Variants in THSD4 observed in about 807,000 individuals in gnomAD.
The protein encoded by THSD4 is thrombospondin type-1 domain-containing protein 4.
In THSD4, 69 loss-of-function variants were observed where a neutral mutation model predicts 119.0. The observed-to-expected ratio is 0.58, with a 90% CI of 0.48 to 0.71. The LOEUF (loss-of-function observed/expected upper bound fraction) is 0.71, where lower values mean the gene tolerates loss of function less well. THSD4 is among the 30% of genes least tolerant of loss of function. The pLI is 0.00. For missense variants in THSD4, 1,393 were observed against 1,391.1 expected (o/e 1.00, Z -0.02); for synonymous variants, 524 against 540.4 (o/e 0.97, Z 0.42).
chr15:71,213,989 G>C (rs1204515653), intron 3 of THSD4, among the ~76,000 whole-genome samples: 1 of 152,152 alleles, frequency 6.6e-6, no homozygotes, highest in East Asian at 1.9e-4. Flanking sequence ...CCTAGGTCGA[G>C]TGGGGACTTG....
At chr15:71,375,032 A>G (rs986938784) in intron 6 of THSD4, among the ~76,000 whole-genome samples, 1 of 152,214 alleles carries the variant, frequency 6.6e-6, no homozygotes, top group East Asian at 1.9e-4. Flanking sequence ...GGGATTTCAG[A>G]CAAATCCACA....
At chr15:71,704,143 T>C (rs975420494) in intron 8 of THSD4, among the ~76,000 whole-genome samples, 11 of 152,224 alleles carry the variant, frequency 7.2e-5, no homozygotes, top group East Asian at 1.9e-4. Flanking sequence ...CCACTGCGCC[T>C]GGCCTGAAAA....
chr15:71,365,014 C>G lies in THSD4; in HGVS notation c.1016-46673C>G, dbSNP rs1302749726. The stretch of plus-strand genomic sequence containing the variant: ...CCTAAGAATTCTATTGTTTTGGCAC[C>G]TAAAACTGCATCTCCCTGAGTTTCT... On this transcript the variant is annotated intron_variant, in intron 6 of 17. Transcript: ENST00000261862. Among the ~76,000 whole-genome samples the G allele has an allele frequency of 1.3e-5, 2 of 152,202 alleles. 1 individual carries two copies. Among genetic ancestry groups the G allele is most frequent in the East Asian group, 3.9e-4 (2 of 5,168 alleles).
At chr15:71,497,022 C>A (rs2048027993) in intron 7 of THSD4, among the ~76,000 whole-genome samples, 1 of 152,164 alleles carries the variant, frequency 6.6e-6, no homozygotes, top group African/African-American at 2.4e-5. Flanking sequence ...ACCTCACCAT[C>A]CAAGAAATGG....
chr15:71,309,352 G>T (rs974051581), intron 6 of THSD4, among the ~76,000 whole-genome samples: 1 of 152,146 alleles, frequency 6.6e-6, no homozygotes, highest in Non-Finnish European at 1.5e-5. Context: ...AAATTAGGTT[G>T]CCTGTCTTTT....
chr15:71,436,131 A>C (rs1156508778), intron 7 of THSD4, among the ~76,000 whole-genome samples: 2 of 152,160 alleles, frequency 1.3e-5, no homozygotes, highest in Non-Finnish European at 2.9e-5. Context: ...CCCACAGCAC[A>C]GTTTGTCTTA....
intron 7 of THSD4, among the ~76,000 whole-genome samples, chr15:71,567,384 TG>T (rs2049261960): frequency 3.3e-5 from 5 of 152,008 alleles, no homozygotes; most frequent in Admixed American, 3.3e-4. Context: ...TACAGGGGTG[TG>T]ATCAAGCCAG....
intron 7 of THSD4, among the ~76,000 whole-genome samples, chr15:71,542,373 A>G (rs1465811421): frequency 6.6e-6 from 1 of 152,194 alleles, no homozygotes; most frequent in East Asian, 1.9e-4. Flanking sequence ...TTTCTAATGA[A>G]TAGGCTATGG....
intron 7 of THSD4, among the ~76,000 whole-genome samples, chr15:71,630,708 T>G (rs117300671): frequency 8.8e-4 from 134 of 152,020 alleles, no homozygotes; most frequent in African/African-American, 3.1e-3. Flanking sequence ...TCCAGGAGGG[T>G]CTCTCCCAGC....
At chr15:71,626,540 C>T (rs2050513953) in intron 7 of THSD4, among the ~76,000 whole-genome samples, 1 of 152,152 alleles carries the variant, frequency 6.6e-6, no homozygotes, top group African/African-American at 2.4e-5. Context: ...ATGCATTGAA[C>T]TTTAACAGAT....
intron 7 of THSD4, among the ~76,000 whole-genome samples, chr15:71,551,510 A>T (rs1292010181): frequency 6.6e-6 from 1 of 152,216 alleles, no homozygotes; most frequent in African/African-American, 2.4e-5. Flanking sequence ...AGATTCAATT[A>T]TCTGTCGTGA....
chr15:71,777,069 A>G (rs2053926120), intron 17 of THSD4, among the ~76,000 whole-genome samples, 163 bp from the exon 18 acceptor site: 1 of 152,240 alleles, frequency 6.6e-6, no homozygotes, highest in African/African-American at 2.4e-5. Flanking sequence ...CGTGTTTAAA[A>G]GAAAGAGAAA....
At chr15:71,301,830 G>T (rs186580978) in intron 6 of THSD4, among the ~76,000 whole-genome samples, 1 of 152,290 alleles carries the variant, frequency 6.6e-6, no homozygotes, top group African/African-American at 2.4e-5. Context: ...CCTCTCTTCT[G>T]GCCAGTGGAA....
intron 7 of THSD4, among the ~76,000 whole-genome samples, chr15:71,513,226 C>T (rs1284170192): frequency 6.6e-6 from 1 of 152,228 alleles, no homozygotes; most frequent in African/African-American, 2.4e-5. Context: ...TGCCCTTAGC[C>T]TCAGTTTTAC....
At chr15:71,758,261 G>C (rs2053577756) in intron 15 of THSD4, among the ~76,000 whole-genome samples, 186 bp downstream of exon 15, 1 of 152,228 alleles carries the variant, frequency 6.6e-6, no homozygotes, top group Admixed American at 6.5e-5. Flanking sequence ...TATTCATTGA[G>C]CACCTACGGT....
intron 6 of THSD4, among the ~76,000 whole-genome samples, chr15:71,409,918 G>A (rs1334689958): frequency 6.6e-6 from 1 of 150,684 alleles, no homozygotes; most frequent in African/African-American, 2.4e-5. Flanking sequence ...TACATACAGT[G>A]TGTACTTATC....
At chr15:71,603,307 T>A (rs374265605) in intron 7 of THSD4, among the ~76,000 whole-genome samples, 1 of 152,106 alleles carries the variant, frequency 6.6e-6, no homozygotes, top group Admixed American at 6.5e-5. Context: ...ATCCTGCTAA[T>A]GGGCCCCCAC....
chr15:71,358,498 G>A (rs115238468), intron 6 of THSD4, among the ~76,000 whole-genome samples: 381 of 152,304 alleles, frequency 2.5e-3, no homozygotes, highest in African/African-American at 8.7e-3. Context: ...AGGAACAAGT[G>A]TGGGGCTTTC....
intron 7 of THSD4, among the ~76,000 whole-genome samples, chr15:71,550,951 A>C (rs543007317): frequency 6.6e-6 from 1 of 152,200 alleles, no homozygotes; most frequent in Non-Finnish European, 1.5e-5. Context: ...AGTTTTTTAC[A>C]TTAAAAATAA....
Sources: gnomAD v4.1 joint callset for allele counts (sites outside exome capture counted in the v4.1 genomes callset) on GRCh38, gnomAD v4.1.1 for gene constraint, MANE v1.5 for transcripts, NCBI Gene and HGNC (gene_info 2026-07-23, HGNC 2026-07-21) for gene names.